The following EIF4H variants were observed in gnomAD, a reference collection of about 807,000 sequenced individuals.
EIF4H encodes eukaryotic translation initiation factor 4H.
A neutral mutation model predicts 30.6 loss-of-function variants in EIF4H; 8 were observed. That is an observed-to-expected ratio of 0.26 (90% CI 0.15 to 0.47). EIF4H has a LOEUF of 0.47. Among genes scored for constraint, EIF4H ranks in the 20% least tolerant of loss-of-function variants. EIF4H has a pLI of 0.99. For missense variants in EIF4H, 188 were observed against 339.5 expected (o/e 0.55, Z 3.51); for synonymous variants, 106 against 122.7 (o/e 0.86, Z 0.90).
chr7:74,190,163 G>A, intron 4 of EIF4H, 84 bp from the exon 5 acceptor site: 1 of 1,403,908 alleles, frequency 7.1e-7, no homozygotes, highest in Non-Finnish European at 1.0e-6. Context: ...CACTTGAGTT[G>A]TATGTCTTCC....
Position 74,196,718 on chromosome 7 carries a change from G to A in EIF4H, c.*1410G>A, listed in dbSNP as rs1172759440. On this transcript the variant is annotated 3_prime_UTR_variant, in exon 7 of 7. Coordinates refer to ENST00000265753, the MANE Select transcript of EIF4H (RefSeq NM_022170.2). ...TGTGCTTAGTATTTGGTCACCAGCC[G>A]TCATCCTGGGCTTTTCCTACTGTGT... is the stretch of plus-strand genomic sequence containing the variant. The A allele has an allele frequency of 7.9e-5, 12 of 151,126 alleles. No individual in the cohort carries two copies. The highest frequency in any genetic ancestry group is 2.7e-4 in the African/African-American group (11 of 41,006). 9.4% of individuals were successfully genotyped at this position (151,126 alleles called of 1,614,324 possible).
intron 1 of EIF4H, among the ~76,000 whole-genome samples, chr7:74,181,203 A>C (rs1554708352): frequency 1.3e-5 from 2 of 152,116 alleles, no homozygotes; most frequent in Non-Finnish European, 2.9e-5. Context: ...CATTTTGGCT[A>C]TTTCTGTTAC....
intron 1 of EIF4H, among the ~76,000 whole-genome samples, chr7:74,181,977 A>G (rs1442742554): frequency 6.6e-6 from 1 of 151,970 alleles, no homozygotes; most frequent in Non-Finnish European, 1.5e-5. Flanking sequence ...AGCCTCCCAA[A>G]GTGCTGGGAT....
At position 74,195,109 on chromosome 7, in the gene EIF4H, C is replaced by T. The variant is rs1239295110; in HGVS notation, c.608-60C>T. On this transcript the variant is annotated intron_variant, in intron 6 of 6. Coordinates refer to ENST00000265753, the MANE Select transcript of EIF4H (RefSeq NM_022170.2). ...TTGCTGACAGCAACATCAGCATGGT[C>T]GTTTTGCTGGATATGGAATGGGATC... 3.5e-5 allele frequency: 55 copies of T among 1,590,260 alleles called. No individual in the cohort carries two copies. The Admixed American group carries it at 4.1e-4, about 12-fold the overall frequency.
chr7:74,175,275 T>A (rs575856552), intron 1 of EIF4H, among the ~76,000 whole-genome samples: 108 of 152,338 alleles, frequency 7.1e-4, no homozygotes, highest in African/African-American at 2.4e-3. Flanking sequence ...TCTGCACTTT[T>A]TTTTATTTTA....
At chr7:74,190,610 T>C (rs1801185036) in intron 5 of EIF4H, among the ~76,000 whole-genome samples, 1 of 152,218 alleles carries the variant, frequency 6.6e-6, no homozygotes, top group Non-Finnish European at 1.5e-5. Flanking sequence ...AACTCCTCTG[T>C]GGTTTTGTGT....
chr7:74,181,798 G>A (rs575980733), intron 1 of EIF4H, among the ~76,000 whole-genome samples: 20 of 142,696 alleles, frequency 1.4e-4, no homozygotes, highest in East Asian at 6.3e-4. Context: ...TCAGTGGCGC[G>A]ATCTCAGCTC....
intron 1 of EIF4H, 118 bp downstream of exon 1, chr7:74,174,560 C>A: frequency 1.0e-6 from 1 of 1,002,042 alleles, no homozygotes; most frequent in Non-Finnish European, 1.3e-6. Context: ...CCCGCGGAGG[C>A]CTAGGAGCGG....
Position 74,189,737 on chromosome 7 carries a change from A to G in EIF4H, c.312A>G (p.Ala104=), listed in dbSNP as rs1554709612. The G allele has an allele frequency of 6.2e-7, 1 of 1,614,258 alleles. No homozygotes were observed. Among genetic ancestry groups the G allele is most frequent in the Admixed American group, 1.7e-5 (1 of 60,018 alleles). Residue 104 remains alanine, a splice_region_variant and synonymous_variant, in exon 3 of 7, where the codon GCA becomes GCG. Coordinates refer to ENST00000265753, the MANE Select transcript of EIF4H (RefSeq NM_022170.2). ...SLKEALTYDG[A]LLGDRSLRVD... ...AGGAAGCCTTGACATACGATGGTGC[A>G]GTAAGTATCCTCGGGTTTTCTCTGT...
At chr7:74,181,664 G>A (rs1310047348) in intron 1 of EIF4H, among the ~76,000 whole-genome samples, 4 of 152,036 alleles carry the variant, frequency 2.6e-5, no homozygotes, top group Non-Finnish European at 4.4e-5. Context: ...GGCTGGTCTC[G>A]AACTCCCGAC....
intron 1 of EIF4H, among the ~76,000 whole-genome samples, chr7:74,178,026 G>A (rs111777266): frequency 1.3e-4 from 20 of 151,986 alleles, no homozygotes; most frequent in Non-Finnish European, 2.1e-4. Flanking sequence ...GTGCAGCCTC[G>A]ACTTCCCAGG....
intron 1 of EIF4H, among the ~76,000 whole-genome samples, chr7:74,179,782 A>G (rs1486461454): frequency 6.6e-6 from 1 of 152,228 alleles, no homozygotes; most frequent in African/African-American, 2.4e-5. Flanking sequence ...ACATTTTGTT[A>G]TACAGTATCA....
intron 1 of EIF4H, among the ~76,000 whole-genome samples, chr7:74,175,965 A>T (rs1460701428): frequency 6.6e-6 from 1 of 152,182 alleles, no homozygotes; most frequent in Non-Finnish European, 1.5e-5. Flanking sequence ...TTAAGATGCT[A>T]TTAATTTCAA....
intron 1 of EIF4H, among the ~76,000 whole-genome samples, chr7:74,182,463 T>C (rs1800984299): frequency 6.6e-6 from 1 of 152,226 alleles, no homozygotes; most frequent in African/African-American, 2.4e-5. Context: ...AGTGCCGGGA[T>C]TGCAGGTGTG....
chr7:74,187,937 G>A lies in EIF4H; in HGVS notation c.247+139G>A, dbSNP rs530454115. The A allele has an allele frequency of 4.8e-5, 47 of 980,316 alleles. No individual in the cohort carries two copies. The South Asian group carries it at 5.8e-4, about 12-fold the overall frequency. The allele number at this position is 980,316 out of a possible 1,614,324, so 60.7% of individuals were successfully genotyped here. The stretch of plus-strand genomic sequence containing the variant: ...AAACATTTGCCTGGTCTAAGTGGCC[G>A]AAAGAAACATAACTCTTCAACTCAT... On this transcript the variant is annotated intron_variant, in intron 2 of 6. Coordinates refer to ENST00000265753, the MANE Select transcript of EIF4H (RefSeq NM_022170.2).
intron 1 of EIF4H, among the ~76,000 whole-genome samples, chr7:74,179,508 T>G (rs138377658): frequency 0.01 from 1,592 of 152,130 alleles, 38 homozygotes; most frequent in African/African-American, 0.037. Flanking sequence ...GGTGGGCCCC[T>G]GTAGTCCCAG....
intron 5 of EIF4H, among the ~76,000 whole-genome samples, chr7:74,194,243 C>T (rs1217024314): frequency 2.0e-5 from 3 of 152,318 alleles, no homozygotes; most frequent in African/African-American, 2.4e-5. Context: ...ACACCTAAAA[C>T]GCAGCCAAAA....
intron 1 of EIF4H, among the ~76,000 whole-genome samples, chr7:74,176,181 C>T (rs1009257570): frequency 6.6e-6 from 1 of 151,712 alleles, no homozygotes; most frequent in Non-Finnish European, 1.5e-5. Context: ...TTGCTACTTT[C>T]AGAAGTAGTT....
chr7:74,190,045 A>G, intron 4 of EIF4H, 127 bp downstream of exon 4: 1 of 1,244,636 alleles, frequency 8.0e-7, no homozygotes, highest in East Asian at 2.5e-5. Flanking sequence ...AGCTCTTAAA[A>G]GTTTGCGTAA....
Sources: gnomAD v4.1 joint callset for allele counts (sites outside exome capture counted in the v4.1 genomes callset) on GRCh38, gnomAD v4.1.1 for gene constraint, MANE v1.5 for transcripts, NCBI Gene and HGNC (gene_info 2026-07-23, HGNC 2026-07-21) for gene names.